Variants in SLC14A2 observed in about 807,000 individuals in gnomAD.
SLC14A2 encodes the protein urea transporter 2.
Under a neutral mutation model 104.6 loss-of-function variants are expected in SLC14A2, and 91 were observed. That is an observed-to-expected ratio of 0.87 (90% CI 0.73 to 1.04). The LOEUF is 1.04. Among genes scored for constraint, SLC14A2 ranks in the 50% least tolerant of loss-of-function variants. SLC14A2 has a pLI of 0.00. For synonymous variants in SLC14A2, 476 were observed against 466.4 expected, an observed-to-expected ratio of 1.02 and a Z score of -0.27; for missense variants, 1,189 against 1,156.0, an observed-to-expected ratio of 1.03 and a Z score of -0.41.
chr18:45,534,585 A>G (rs2043752185), intron 2 of SLC14A2, among the ~76,000 whole-genome samples: 1 of 152,194 alleles, frequency 6.6e-6, no homozygotes, highest in Admixed American at 6.5e-5. Flanking sequence ...CCTTGAAACA[A>G]TAGCATGTCG....
intron 1 of SLC14A2, among the ~76,000 whole-genome samples, chr18:45,473,698 G>T (rs1011565281): frequency 6.6e-6 from 1 of 152,120 alleles, no homozygotes; most frequent in Non-Finnish European, 1.5e-5. Context: ...TTGATGTATA[G>T]GAATGCTTGT....
chr18:45,439,065 A>C (rs976310532), intron 1 of SLC14A2, among the ~76,000 whole-genome samples: 8 of 152,160 alleles, frequency 5.3e-5, no homozygotes, highest in African/African-American at 1.9e-4. Context: ...AGGGAGGATC[A>C]CTTGAGGGCC....
At chr18:45,537,874 A>T (rs138170853) in intron 2 of SLC14A2, among the ~76,000 whole-genome samples, 58 of 152,330 alleles carry the variant, frequency 3.8e-4, no homozygotes, top group Middle Eastern at 3.4e-3. Context: ...TAAAGGAGAC[A>T]GTGGGATATA....
chr18:45,293,956 A>C (rs2084896288), intron 1 of SLC14A2, among the ~76,000 whole-genome samples: 1 of 152,238 alleles, frequency 6.6e-6, no homozygotes, highest in African/African-American at 2.4e-5. Context: ...ATGCGAAACA[A>C]ATAACAGCTT....
At chr18:45,352,072 G>A (rs1042540628) in intron 1 of SLC14A2, among the ~76,000 whole-genome samples, 14 of 152,140 alleles carry the variant, frequency 9.2e-5, no homozygotes, top group African/African-American at 3.1e-4. Flanking sequence ...GGCTGTGGTG[G>A]GGGCTTGCTG....
chr18:45,172,805 A>G, the SLC14A2 span, among the ~76,000 whole-genome samples: 1 of 152,164 alleles, frequency 6.6e-6, no homozygotes, highest in South Asian at 2.1e-4. Context: ...ATAAAATGTA[A>G]TAATTGGAAT....
chr18:45,521,645 T>A (rs1374790689), intron 2 of SLC14A2, among the ~76,000 whole-genome samples: 1 of 152,106 alleles, frequency 6.6e-6, no homozygotes, highest in East Asian at 1.9e-4. Context: ...GATTTACATA[T>A]GAGATTATGT....
At chr18:45,209,234 T>G (rs2083941532), upstream of SLC14A2, among the ~76,000 whole-genome samples, 1 of 147,316 alleles carries the variant, frequency 6.8e-6, no homozygotes, top group South Asian at 2.1e-4. Flanking sequence ...TCCTAGCTAC[T>G]CGGGAGGCTG....
chr18:45,678,869 T>C (rs1352161318), intron 18 of SLC14A2, 106 bp from the exon 19 acceptor site: 3 of 1,037,786 alleles, frequency 2.9e-6, no homozygotes, highest in Non-Finnish European at 4.1e-6. Flanking sequence ...ATCTTAGAGA[T>C]AGCATTTGTG....
intron 2 of SLC14A2, among the ~76,000 whole-genome samples, chr18:45,582,397 A>C (rs2044505796): frequency 6.6e-6 from 1 of 152,206 alleles, no homozygotes; most frequent in African/African-American, 2.4e-5. Flanking sequence ...CAGACATACC[A>C]GAGCAGGTGG....
intron 2 of SLC14A2, among the ~76,000 whole-genome samples, chr18:45,561,817 A>T (rs9945602): frequency 0.022 from 3,330 of 152,296 alleles, 126 homozygotes; most frequent in African/African-American, 0.076. Context: ...CACTGAATTT[A>T]CATAATTGTA....
intron 8 of SLC14A2, among the ~76,000 whole-genome samples, chr18:45,642,164 T>A (rs910482213): frequency 6.6e-6 from 1 of 152,196 alleles, no homozygotes; most frequent in Non-Finnish European, 1.5e-5. Flanking sequence ...AGGACATTAA[T>A]AAATAAAACT....
intron 1 of SLC14A2, among the ~76,000 whole-genome samples, chr18:45,355,967 G>A (rs16978347): frequency 0.015 from 2,331 of 152,272 alleles, 49 homozygotes; most frequent in African/African-American, 0.054. Context: ...ATCAGAAGAC[G>A]GAGACTGAAA....
chr18:45,641,476 G>A, intron 8 of SLC14A2, 133 bp downstream of exon 8: 1 of 953,108 alleles, frequency 1.0e-6, no homozygotes, highest in Non-Finnish European at 1.6e-6. Context: ...GCGTCCTAAT[G>A]CCAGTGCTGC....
chr18:45,498,422 G>T (rs180912031), intron 2 of SLC14A2, among the ~76,000 whole-genome samples: 1 of 152,202 alleles, frequency 6.6e-6, no homozygotes, highest in Non-Finnish European at 1.5e-5. Flanking sequence ...GCTGCCAGAC[G>T]CCCAGAGCCA....
At chr18:45,658,386 G>A (rs963102905) in intron 10 of SLC14A2, among the ~76,000 whole-genome samples, 18 of 152,108 alleles carry the variant, frequency 1.2e-4, no homozygotes, top group Non-Finnish European at 2.5e-4. Context: ...TTCGAGACCA[G>A]CCTAACCAAT....
chr18:45,255,800 A>T (rs1483454556), intron 1 of SLC14A2, among the ~76,000 whole-genome samples: 3 of 152,166 alleles, frequency 2.0e-5, no homozygotes, highest in African/African-American at 7.2e-5. Flanking sequence ...GAAAAGCATA[A>T]GCCACCAGCC....
At position 45,675,963 on chromosome 18, in the gene SLC14A2, C is replaced by T. The variant is rs566849247; in HGVS notation, c.2512+2146C>T. 2.4e-3 allele frequency among the ~76,000 whole-genome samples: 362 copies of T among 151,928 alleles called. 2 individuals carry two copies. Among genetic ancestry groups the T allele is most frequent in the Non-Finnish European group, 4.0e-3 (271 of 67,954 alleles). On this transcript the variant is annotated intron_variant, in intron 18 of 19. Coordinates refer to ENST00000255226, the MANE Select transcript of SLC14A2 (RefSeq NM_007163.4). The stretch of plus-strand genomic sequence containing the variant: ...GCTCCTTCAGCAGACAGAACAGCCC[C>T]ACTGGAATTAAATGTCACTGTGAAT...
At chr18:45,230,796 G>A (rs2084167270) in intron 1 of SLC14A2, among the ~76,000 whole-genome samples, 1 of 152,168 alleles carries the variant, frequency 6.6e-6, no homozygotes, top group African/African-American at 2.4e-5. Flanking sequence ...TTCTCAGAGT[G>A]TCAGGAAAGG....
Sources: allele counts gnomAD v4.1 joint callset (sites outside exome capture counted in the v4.1 genomes callset), GRCh38; gene constraint gnomAD v4.1.1; transcripts MANE v1.5; gene names NCBI Gene and HGNC (gene_info 2026-07-23, HGNC 2026-07-21).